CNN3: variants seen among roughly 807,000 people sequenced by gnomAD.
CNN3 encodes calponin 3.
In CNN3, 11 loss-of-function variants were observed where a neutral mutation model predicts 39.0. The ratio of observed to expected loss-of-function variants is 0.28; its 90% CI spans 0.18 to 0.47. CNN3 has a LOEUF of 0.47. Ranked by LOEUF, CNN3 falls within the 20% of genes least tolerant of loss-of-function variation. CNN3 has a pLI of 0.99. For missense variants in CNN3, 266 were observed against 403.4 expected, an observed-to-expected ratio of 0.66 and a Z score of 2.92; for synonymous variants, 101 against 138.3, an observed-to-expected ratio of 0.73 and a Z score of 1.89.
chr1:94,899,837 G>C (rs1162227181), intron 5 of CNN3, among the ~76,000 whole-genome samples: 4 of 152,204 alleles, frequency 2.6e-5, no homozygotes, highest in Non-Finnish European at 4.4e-5. Context: ...ACCAAATTAA[G>C]AGGTACCAGC....
In CNN3 at chr1:94,901,125, G is replaced by A. The variant is rs190037589; in HGVS notation, c.501+544C>T. On this transcript the variant is annotated intron_variant, in intron 5 of 6. Coordinates refer to ENST00000370206, the MANE Select transcript of CNN3 (RefSeq NM_001839.5). ...TCCAAGCACTTTGGGAGGCCGAGGT[G>A]GGCAGATCACCTGAGGTCAGGAGTT... Among the ~76,000 whole-genome samples the A allele has an allele frequency of 9.2e-3, 1,398 of 152,086 alleles. 15 individuals carry two copies. Among genetic ancestry groups the A allele is most frequent in the South Asian group, 0.019 (93 of 4,812 alleles).
chr1:94,912,544 T>C (rs61772603), intron 1 of CNN3, among the ~76,000 whole-genome samples: 115 of 152,298 alleles, frequency 7.6e-4, no homozygotes, highest in South Asian at 1.5e-3. Flanking sequence ...CAAGGCTGCA[T>C]GGACACACAA....
Position 94,903,032 on chromosome 1 carries a change from A to C in CNN3, c.246+90T>G, listed in dbSNP as rs549317823. 5.4e-5 allele frequency: 52 copies of C among 965,340 alleles called. No individual in the cohort carries two copies. In the East Asian group the frequency reaches 1.3e-3, roughly 23 times the overall value. The allele number at this position is 965,340 out of a possible 1,614,324, so 59.8% of individuals were successfully genotyped here. A position where few individuals can be genotyped will look rare whatever the true frequency, so the allele number is the denominator to read the frequency against. On this transcript the variant is annotated intron_variant, in intron 3 of 6. Transcript: ENST00000370206. The stretch of plus-strand genomic sequence containing the variant: ...AATCAAAAAGTTAAAAAAAAAAAAA[A>C]CACAAAACCAAAAAACCAAACCTGA...
chr1:94,908,530 G>T (rs1183910766), intron 1 of CNN3, among the ~76,000 whole-genome samples: 4 of 152,038 alleles, frequency 2.6e-5, no homozygotes, highest in African/African-American at 4.8e-5. Context: ...ATAATAATTG[G>T]TTTTTTGTTG....
At chr1:94,904,587 A>G (rs756903044) in intron 1 of CNN3, among the ~76,000 whole-genome samples, 4 of 152,096 alleles carry the variant, frequency 2.6e-5, no homozygotes, top group Non-Finnish European at 5.9e-5. Flanking sequence ...TCTCTACTAA[A>G]AATAAAAAAT....
In CNN3 at chr1:94,903,435, C is replaced by A. The variant is rs1369408565; in HGVS notation, c.147G>T (p.Gln49His). 2 of 1,608,202 alleles carry A rather than the reference C, an allele frequency of 1.2e-6. No individual in the cohort carries two copies. Among genetic ancestry groups the A allele is most frequent in the East Asian group, 4.5e-5 (2 of 44,774 alleles). ...GGATGATGCCATCCTTTAAGCCCAG[C>A]TGGAAGTTGGGGCCAATGCTCATGC... ...VTGMSIGPNF[Q>H]LGLKDGIILC... The change falls in exon 2 of 7, where the codon CAG becomes CAT. Residue 49 changes from glutamine to histidine, a missense_variant. Gln to His is a conservative substitution (Grantham distance 24). Coordinates refer to ENST00000370206, the MANE Select transcript of CNN3 (RefSeq NM_001839.5).
chr1:94,898,186 A>G, intron 6 of CNN3, 103 bp from the exon 7 acceptor site: 2 of 1,170,614 alleles, frequency 1.7e-6, no homozygotes, highest in Non-Finnish European at 2.4e-6. Flanking sequence ...ACAGTAATAC[A>G]TGAACTTTCA....
intron 1 of CNN3, among the ~76,000 whole-genome samples, chr1:94,909,838 C>A (rs1375432455): frequency 6.6e-6 from 1 of 151,922 alleles, no homozygotes; most frequent in Non-Finnish European, 1.5e-5. Context: ...TCGGTGTACG[C>A]CGAGAGCATT....
At chr1:94,916,212 C>T (rs114427880) in intron 1 of CNN3, among the ~76,000 whole-genome samples, 9,759 of 152,210 alleles carry the variant, frequency 0.064, 436 homozygotes, top group African/African-American at 0.11. Flanking sequence ...CCAGTGCAGC[C>T]TGGGCAACAC....
At chr1:94,921,799 A>C (rs1426619493) in intron 1 of CNN3, among the ~76,000 whole-genome samples, 1 of 152,238 alleles carries the variant, frequency 6.6e-6, no homozygotes, top group Non-Finnish European at 1.5e-5. Context: ...AGAATTTTAA[A>C]GAGGAAGCAT....
chr1:94,918,664 CG>C (rs1671356674), intron 1 of CNN3, among the ~76,000 whole-genome samples: 1 of 151,884 alleles, frequency 6.6e-6, no homozygotes, highest in South Asian at 2.1e-4. Context: ...GAAGCTGAGA[CG>C]GGTGGATCAC....
Position 94,897,808 on chromosome 1 carries a change from A to G in CNN3, c.924T>C (p.Tyr308=), listed in dbSNP as rs889879185. Residue 308 remains tyrosine, a synonymous_variant, in exon 7 of 7, where the codon TAT becomes TAC. Transcript: ENST00000370206. Reference sequence around the variant, plus strand: ...GGTAGTCATCCTGGTACTCGCCATGATACTCATCAGGGTATTCTGCCTGAT... The same window carrying G: ...GGTAGTCATCCTGGTACTCGCCATGGTACTCATCAGGGTATTCTGCCTGAT... ...SDYQAEYPDE[Y]HGEYQDDYPR... 5 of 1,614,040 alleles carry G rather than the reference A, an allele frequency of 3.1e-6. No individual in the cohort carries two copies. The highest frequency in any genetic ancestry group is 1.3e-5 in the African/African-American group (1 of 74,926).
chr1:94,905,276 A>G (rs1054546158), intron 1 of CNN3, among the ~76,000 whole-genome samples: 1 of 152,210 alleles, frequency 6.6e-6, no homozygotes, highest in African/African-American at 2.4e-5. Context: ...ATCAAAAGCC[A>G]CAACAGCCTT....
chr1:94,905,840 C>T (rs1457859120), intron 1 of CNN3, among the ~76,000 whole-genome samples: 1 of 152,254 alleles, frequency 6.6e-6, no homozygotes, highest in East Asian at 1.9e-4. Flanking sequence ...AGATTACAGG[C>T]ATGAGCCACC....
intron 1 of CNN3, among the ~76,000 whole-genome samples, chr1:94,912,588 C>T (rs1671193714): frequency 6.6e-6 from 1 of 152,168 alleles, no homozygotes; most frequent in African/African-American, 2.4e-5. Context: ...ATGTCCCCTC[C>T]TTGAGGGGAG....
intron 1 of CNN3, among the ~76,000 whole-genome samples, chr1:94,923,043 T>G (rs1445409893): frequency 1.3e-5 from 2 of 152,178 alleles, no homozygotes; most frequent in Non-Finnish European, 2.9e-5. Flanking sequence ...TTTGTCAATT[T>G]ATTTTTTCCA....
rs896462551 is a variant in CNN3, at chr1:94,914,583, G to T, written c.58-11059C>A. Among the ~76,000 whole-genome samples, 7 of 152,300 alleles carry T rather than the reference G, an allele frequency of 4.6e-5. No individual in the cohort carries two copies. In the East Asian group the frequency reaches 1.4e-3, roughly 29 times the overall value. On this transcript the variant is annotated intron_variant, in intron 1 of 6. Coordinates refer to ENST00000370206, the MANE Select transcript of CNN3 (RefSeq NM_001839.5). ...ACAAGGCATGAAAGTGGGCCAAGGAGAAATGGGATCTCAGCCCTTTGGGTC... is the reference window on the plus strand; with the variant it reads ...ACAAGGCATGAAAGTGGGCCAAGGATAAATGGGATCTCAGCCCTTTGGGTC...
At chr1:94,914,869 G>A (rs1379240759) in intron 1 of CNN3, among the ~76,000 whole-genome samples, 1 of 152,008 alleles carries the variant, frequency 6.6e-6, no homozygotes, top group African/African-American at 2.4e-5. Flanking sequence ...TTACAAAGTA[G>A]GATAGAATTT....
chr1:94,906,703 T>A (rs1671008930), intron 1 of CNN3, among the ~76,000 whole-genome samples: 1 of 152,174 alleles, frequency 6.6e-6, no homozygotes, highest in African/African-American at 2.4e-5. Flanking sequence ...CACAATTTGG[T>A]CAAATAATAA....
Sources: gnomAD v4.1 joint callset for allele counts (sites outside exome capture counted in the v4.1 genomes callset) on GRCh38, gnomAD v4.1.1 for gene constraint, MANE v1.5 for transcripts, NCBI Gene and HGNC (gene_info 2026-07-23, HGNC 2026-07-21) for gene names.